SP140: variants seen among roughly 807,000 people sequenced by gnomAD.
The protein encoded by SP140 is SP140 nuclear body protein, also known as nuclear body protein SP140.
Under a neutral mutation model 125.0 loss-of-function variants are expected in SP140, and 81 were observed. The ratio of observed to expected loss-of-function variants is 0.65; its 90% CI spans 0.54 to 0.78. SP140 has a LOEUF of 0.78. Among genes scored for constraint, SP140 ranks in the 30% least tolerant of loss-of-function variants. The pLI is 0.00. For missense variants in SP140, 858 were observed against 1,037.0 expected (o/e 0.83, Z 2.37); for synonymous variants, 312 against 354.0 (o/e 0.88, Z 1.33).
chr2:230,273,647 G>A (rs1331446716), intron 15 of SP140, among the ~76,000 whole-genome samples: 1 of 152,258 alleles, frequency 6.6e-6, no homozygotes, highest in Admixed American at 6.5e-5. Flanking sequence ...ATATGCACAT[G>A]TATGCTTATC....
intron 11 of SP140, among the ~76,000 whole-genome samples, chr2:230,255,072 GGGTGC>G (rs1284327557): frequency 6.6e-6 from 1 of 152,154 alleles, no homozygotes; most frequent in Non-Finnish European, 1.5e-5. Flanking sequence ...GCAGAGTCAG[GGGTGC>G]AAGAGAAAAG....
upstream of SP140, among the ~76,000 whole-genome samples, chr2:230,225,116 TCTC>T (rs2046169040): frequency 6.6e-6 from 1 of 152,192 alleles, no homozygotes; most frequent in Non-Finnish European, 1.5e-5. Context: ...AGGCTGTCAC[TCTC>T]CTCAAGATTT....
At chr2:230,247,237 G>T (rs780957680) in intron 7 of SP140, among the ~76,000 whole-genome samples, 1 of 152,082 alleles carries the variant, frequency 6.6e-6, no homozygotes, top group Admixed American at 6.5e-5. Flanking sequence ...TCTCCATTTG[G>T]ATGTTTTTCA....
Position 230,237,063 on chromosome 2 carries a change from G to A in SP140, c.60-20G>A, listed in dbSNP as rs372940864. The A allele has an allele frequency of 3.6e-5, 55 of 1,544,738 alleles. No individual in the cohort carries two copies. The African/African-American group carries it at 3.8e-4, about 11-fold the overall frequency. On this transcript the variant is annotated intron_variant, in intron 1 of 26. Coordinates refer to ENST00000392045, the MANE Select transcript of SP140 (RefSeq NM_007237.5). The surrounding 1 kb of genome is among the most constrained non-coding windows in gnomAD (Gnocchi z 5.4). ...TTGGAAACTCAGTGTCTACTTCCAC[G>A]TTGTATCTTTGTTTCTTAGGATGGT... is the stretch of plus-strand genomic sequence containing the variant.
chr2:230,285,088 A>AATC (rs1328325662), intron 16 of SP140, among the ~76,000 whole-genome samples: 14 of 152,332 alleles, frequency 9.2e-5, no homozygotes, highest in Middle Eastern at 3.4e-3. Flanking sequence ...TTTTTGCACA[A>AATC]ATCATCATCT....
rs759012914 is a variant in SP140 at position 230,251,012 on chromosome 2, T to C, written c.1008T>C (p.Asp336=). The change falls in exon 10 of 27, where the codon GAT becomes GAC. Residue 336 remains aspartate, a synonymous_variant. Coordinates refer to ENST00000392045, the MANE Select transcript of SP140 (RefSeq NM_007237.5). ...EGSDDCSEMC[D]GEEPQEASSS... Reference sequence around the variant, plus strand: ...GTGATGACTGTTCAGAAATGTGTGATGGAGAAGAGCCCCAGGAAGCCTCTA... The same window carrying C: ...GTGATGACTGTTCAGAAATGTGTGACGGAGAAGAGCCCCAGGAAGCCTCTA... 4 of 1,613,866 alleles carry C rather than the reference T, an allele frequency of 2.5e-6. No homozygotes were observed. The Admixed American group carries it at 5.0e-5, about 20-fold the overall frequency.
chr2:230,258,608 A>G (rs1216782123), intron 12 of SP140, among the ~76,000 whole-genome samples: 2 of 152,238 alleles, frequency 1.3e-5, no homozygotes, highest in Non-Finnish European at 2.9e-5. Flanking sequence ...TGGTTTTAGT[A>G]GTGGTATTTC....
chr2:230,283,304 A>C (rs1370933357), intron 15 of SP140, among the ~76,000 whole-genome samples: 3 of 152,224 alleles, frequency 2.0e-5, no homozygotes, highest in African/African-American at 4.8e-5. Context: ...AAAATCTGCT[A>C]TACCATTCCA....
chr2:230,275,409 C>A (rs368474480), intron 15 of SP140, among the ~76,000 whole-genome samples: 3 of 152,056 alleles, frequency 2.0e-5, no homozygotes, highest in Non-Finnish European at 2.9e-5. Context: ...TATTATTATT[C>A]TTCTTCCTGT....
At chr2:230,244,955 G>A in intron 5 of SP140, 33 bp from the exon 6 acceptor site, 3 of 1,483,234 alleles carry the variant, frequency 2.0e-6, no homozygotes, top group Non-Finnish European at 2.8e-6. Flanking sequence ...CCTGAGGTCT[G>A]TGCTCTCATC....
At position 230,248,929 on chromosome 2, in the gene SP140, C is replaced by A. The variant is rs770708827; in HGVS notation, c.937C>A (p.Pro313Thr). Residue 313 changes from proline to threonine, a missense_variant, in exon 9 of 27, where the codon CCA (proline) becomes ACA (threonine). This residue lies in a region of SP140 where 791 missense variants were observed against 869.5 expected (regional missense o/e 0.91). Coordinates refer to ENST00000392045, the MANE Select transcript of SP140 (RefSeq NM_007237.5). ...KTPQVTNEGE[P>T]EKGLCLLPGE... Reference sequence around the variant, plus strand: ...TCCCCAAGTCACTAATGAAGGAGAACCAGAGAAGGGGCTCTGTCTACTACC... The same window carrying A: ...TCCCCAAGTCACTAATGAAGGAGAAACAGAGAAGGGGCTCTGTCTACTACC... 2.7e-5 allele frequency: 43 copies of A among 1,612,488 alleles called. 1 individual carries two copies. In the Middle Eastern group the frequency reaches 1.2e-3, roughly 43 times the overall value.
intron 12 of SP140, among the ~76,000 whole-genome samples, chr2:230,257,672 CAA>C (rs774921636): frequency 6.6e-6 from 1 of 152,136 alleles, no homozygotes; most frequent in Non-Finnish European, 1.5e-5. Flanking sequence ...GAGGCTGAAA[CAA>C]GAGAGTTGCT....
At chr2:230,197,426 G>C in the SP140 span, among the ~76,000 whole-genome samples, 1 of 151,342 alleles carries the variant, frequency 6.6e-6, no homozygotes, top group Non-Finnish European at 1.5e-5. Flanking sequence ...TGAGTTAATT[G>C]TAGATTCTGG....
rs2056997335 is a variant in SP140 at position 230,290,543 on chromosome 2, C to T, written c.1804C>T (p.His602Tyr). 6.2e-7 allele frequency: 1 copy of T among 1,613,508 alleles called. No individual in the cohort carries two copies. The highest frequency in any genetic ancestry group is 1.3e-5 in the African/African-American group (1 of 74,998). ...VTCGGVKGIL[H>Y]KKKLQQGILV... is the part of the protein sequence containing the mutation. ...CTGTGGTGGGGTGAAGGGAATTTTA[C>T]ATAAGAAGAAATTGCAGCAAGGTAG... Residue 602 changes from histidine to tyrosine, a missense_variant, in exon 19 of 27, where the codon CAT (histidine) becomes TAT (tyrosine). Transcript: ENST00000392045.
At chr2:230,271,215 A>G (rs2053873095) in intron 15 of SP140, among the ~76,000 whole-genome samples, 2 of 152,210 alleles carry the variant, frequency 1.3e-5, no homozygotes, top group South Asian at 4.1e-4. Flanking sequence ...ATTAAGAGTA[A>G]TACAGATTTT....
At chr2:230,238,842 A>G (rs1164236213) in intron 3 of SP140, 2 of 1,554,360 alleles carry the variant, frequency 1.3e-6, no homozygotes, top group Admixed American at 2.0e-5. Context: ...AGCCTAGCAC[A>G]TACTGGTACA....
rs752829337 is a variant in SP140, at chr2:230,253,267, C to A, written c.1058-49C>A. The stretch of plus-strand genomic sequence containing the variant: ...CTTAGCATTTTCCCATCTTGGATGG[C>A]GTGAATGCACTGAGGTCTGTGTCCA... On this transcript the variant is annotated intron_variant, in intron 10 of 26. Transcript: ENST00000392045. 18 of 1,328,452 alleles carry A rather than the reference C, an allele frequency of 1.4e-5. No homozygotes were observed. In the Admixed American group the frequency reaches 1.5e-4, roughly 11 times the overall value. 82.3% of individuals were successfully genotyped at this position (1,328,452 alleles called of 1,614,324 possible).
chr2:230,283,795 C>T (rs553129669), intron 15 of SP140, among the ~76,000 whole-genome samples: 14 of 152,302 alleles, frequency 9.2e-5, no homozygotes, highest in South Asian at 2.1e-4. Flanking sequence ...GTCACCATAG[C>T]GTTCCTGGAG....
rs3820974 is a variant in SP140, at chr2:230,211,574, T to A, written c.-322-2080T>A. 2 of 1,474,878 alleles carry A rather than the reference T, an allele frequency of 1.4e-6. No individual in the cohort carries two copies. Among genetic ancestry groups the A allele is most frequent in the Admixed American group, 3.3e-5 (2 of 59,792 alleles). 91.4% of individuals were successfully genotyped at this position (1,474,878 alleles called of 1,614,324 possible). A position where few individuals can be genotyped will look rare whatever the true frequency, so the allele number is the denominator to read the frequency against. ...GGCCACTGAATGGAGGAAGAAAAAG[T>A]TTTAGATCTCAGGAACAGCAAGCAG... On this transcript the variant is annotated intron_variant, in intron 1 of 4. Coordinates refer to the SP140 transcript ENST00000456542. The surrounding 1 kb of genome is among the most constrained non-coding windows in gnomAD (Gnocchi z 4.2).
Sources: gnomAD v4.1 joint callset for allele counts (sites outside exome capture counted in the v4.1 genomes callset) on GRCh38, gnomAD v4.1.1 for gene constraint, gnomAD v4.1.1 regional missense constraint, Gnocchi (gnomAD v3.1) non-coding constraint, MANE v1.5 for transcripts, NCBI Gene and HGNC (gene_info 2026-07-23, HGNC 2026-07-21) for gene names.